The following PTPRD variants were observed in gnomAD, a reference collection of about 807,000 sequenced individuals.
PTPRD encodes receptor-type tyrosine-protein phosphatase delta.
PTPRD carries 34 observed loss-of-function variants against 214.5 expected under a neutral mutation model. The ratio of observed to expected loss-of-function variants is 0.16; its 90% CI spans 0.12 to 0.21. The LOEUF (loss-of-function observed/expected upper bound fraction) is 0.21. Ranked by LOEUF, PTPRD falls within the 10% of genes least tolerant of loss-of-function variation. The pLI, the probability that PTPRD is intolerant of heterozygous loss-of-function variation, is 1.00. For missense variants in PTPRD, 2,545 were observed against 2,398.7 expected (o/e 1.06, Z -1.27); for synonymous variants, 1,128 against 845.7 (o/e 1.33, Z -5.79).
intron 3 of PTPRD, among the ~76,000 whole-genome samples, chr9:10,102,646 T>G (rs927774298): frequency 2.0e-5 from 3 of 151,634 alleles, no homozygotes; most frequent in African/African-American, 7.3e-5. Flanking sequence ...ATTTCAGATA[T>G]TCCCCTAGAT....
chr9:8,402,524 C>T (rs1429115667), intron 36 of PTPRD, among the ~76,000 whole-genome samples: 2 of 152,120 alleles, frequency 1.3e-5, no homozygotes, highest in East Asian at 3.9e-4. Context: ...CTGACAAGTT[C>T]CCCAGGCGAG....
chr9:9,832,541 T>A (rs556447086), intron 5 of PTPRD, among the ~76,000 whole-genome samples: 1 of 151,942 alleles, frequency 6.6e-6, no homozygotes, highest in Non-Finnish European at 1.5e-5. Flanking sequence ...CCGACAAAAA[T>A]GTGGATATCT....
intron 5 of PTPRD, among the ~76,000 whole-genome samples, chr9:9,791,941 A>G (rs2153474878): frequency 6.6e-6 from 1 of 152,164 alleles, no homozygotes; most frequent in South Asian, 2.1e-4. Context: ...TTTTATGTCT[A>G]CTAAGGACAC....
At chr9:8,549,619 A>G (rs2081394172) in intron 14 of PTPRD, among the ~76,000 whole-genome samples, 1 of 152,198 alleles carries the variant, frequency 6.6e-6, no homozygotes, top group South Asian at 2.1e-4. Context: ...ATGTGTGAAT[A>G]TTTGCCTTGT....
intron 9 of PTPRD, among the ~76,000 whole-genome samples, chr9:9,388,359 C>T (rs1166378005): frequency 6.6e-6 from 1 of 152,156 alleles, no homozygotes; most frequent in Non-Finnish European, 1.5e-5. Flanking sequence ...GGACCACACA[C>T]TCCTCTACTC....
intron 4 of PTPRD, among the ~76,000 whole-genome samples, chr9:9,998,127 A>ATATATATATATATATATATATATAT (rs1231969776): frequency 8.2e-4 from 45 of 55,114 alleles, no homozygotes; most frequent in African/African-American, 3.0e-3. Flanking sequence ...AAAAAAAAAA[A>ATATATATATATATATATATATATAT]AAATATATAT....
chr9:10,413,002 C>T (rs992506867), intron 2 of PTPRD, among the ~76,000 whole-genome samples: 1 of 151,878 alleles, frequency 6.6e-6, no homozygotes, highest in African/African-American at 2.4e-5. Context: ...CCACAACCAA[C>T]ATCATACCAA....
At chr9:10,282,559 G>C (rs1387188224) in intron 3 of PTPRD, among the ~76,000 whole-genome samples, 1 of 152,078 alleles carries the variant, frequency 6.6e-6, no homozygotes, top group African/African-American at 2.4e-5. Flanking sequence ...TTAAGATTAT[G>C]TAGCAGATAA....
intron 4 of PTPRD, among the ~76,000 whole-genome samples, chr9:9,981,611 C>T (rs956959167): frequency 5.3e-5 from 8 of 151,946 alleles, no homozygotes; most frequent in Admixed American, 1.3e-4. Context: ...CTGCCTGCCT[C>T]GGCCTCCCAA....
At chr9:10,350,932 T>C (rs1429682464) in intron 2 of PTPRD, among the ~76,000 whole-genome samples, 2 of 151,902 alleles carry the variant, frequency 1.3e-5, no homozygotes, top group Non-Finnish European at 2.9e-5. Context: ...AAAATGGTGA[T>C]GATATAAAAA....
chr9:10,103,967 C>T (rs114563017), intron 3 of PTPRD, among the ~76,000 whole-genome samples: 2,396 of 151,694 alleles, frequency 0.016, 54 homozygotes, highest in African/African-American at 0.054. Flanking sequence ...ATCCATACAA[C>T]GGAAAATCAT....
intron 39 of PTPRD, among the ~76,000 whole-genome samples, chr9:8,349,071 T>G (rs1450314639): frequency 3.3e-5 from 5 of 152,012 alleles, no homozygotes; most frequent in African/African-American, 1.2e-4. Flanking sequence ...TTAAAAAACT[T>G]TAAAAATAGG....
intron 32 of PTPRD, among the ~76,000 whole-genome samples, chr9:8,464,900 C>T (rs1591252244): frequency 6.6e-6 from 1 of 151,822 alleles, no homozygotes; most frequent in Non-Finnish European, 1.5e-5. Flanking sequence ...ATTAAAGAGG[C>T]TGCTGTATTT....
At chr9:8,880,328 G>A (rs1040913580) in intron 11 of PTPRD, among the ~76,000 whole-genome samples, 1 of 152,150 alleles carries the variant, frequency 6.6e-6, no homozygotes, top group South Asian at 2.1e-4. Context: ...TGGTTTTTCT[G>A]AGGAAGGCTT....
chr9:9,279,042 G>A (rs1005872874), intron 9 of PTPRD, among the ~76,000 whole-genome samples: 1 of 151,008 alleles, frequency 6.6e-6, no homozygotes, highest in Admixed American at 6.6e-5. Context: ...ATAGAGTCAA[G>A]GGGATATATC....
rs1193293310 is a variant in PTPRD at position 8,517,950 on chromosome 9, T to C, written c.1441A>G (p.Asn481Asp). 2.5e-6 allele frequency: 4 copies of C among 1,614,218 alleles called. No individual in the cohort carries two copies. The South Asian group carries it at 3.3e-5, about 13-fold the overall frequency. The change falls in exon 21 of 46, where the codon AAC (asparagine) becomes GAC (aspartate). Residue 481 changes from asparagine to aspartate, a missense_variant. Physicochemically the swap from Asn to Asp is conservative, Grantham distance 23. Coordinates refer to ENST00000381196, the MANE Select transcript of PTPRD (RefSeq NM_002839.4). ...GAATATGTTTTCTGGGGCACTAAGT[T>C]GCCAATAGTAGTGATTTGGCTGTCA... Reference protein sequence around the residue: ...VADSQITTIGNLVPQKTYSVK... With the variant: ...VADSQITTIGDLVPQKTYSVK...
intron 7 of PTPRD, among the ~76,000 whole-genome samples, chr9:9,580,129 AT>A (rs1247632760): frequency 6.6e-6 from 1 of 152,124 alleles, no homozygotes; most frequent in African/African-American, 2.4e-5. Context: ...TAGACAGGTT[AT>A]TTCATAACTT....
intron 31 of PTPRD, among the ~76,000 whole-genome samples, chr9:8,468,602 C>A (rs1335960436): frequency 6.6e-6 from 1 of 151,718 alleles, no homozygotes; most frequent in Admixed American, 6.6e-5. Flanking sequence ...TCTTATGGGC[C>A]TAGATATGAG....
At chr9:9,108,907 C>G (rs183578046) in intron 10 of PTPRD, among the ~76,000 whole-genome samples, 1 of 152,274 alleles carries the variant, frequency 6.6e-6, no homozygotes, top group African/African-American at 2.4e-5. Flanking sequence ...TCAGAGTTAT[C>G]CTTTTAATTA....
Sources: allele counts gnomAD v4.1 joint callset (sites outside exome capture counted in the v4.1 genomes callset), GRCh38; gene constraint gnomAD v4.1.1; transcripts MANE v1.5; gene names NCBI Gene and HGNC (gene_info 2026-07-23, HGNC 2026-07-21).